Variants in PSMD14 observed in about 807,000 individuals in gnomAD.
The protein encoded by PSMD14 is ubiquitin C-terminal hydrolase PSMD14.
Under a neutral mutation model 41.2 loss-of-function variants are expected in PSMD14, and 7 were observed. The ratio of observed to expected loss-of-function variants is 0.17; its 90% CI spans 0.10 to 0.32. The LOEUF (loss-of-function observed/expected upper bound fraction) is 0.32. Ranked by LOEUF, PSMD14 falls within the 10% of genes least tolerant of loss-of-function variation. PSMD14 has a pLI of 1.00. For missense variants in PSMD14, 139 were observed against 375.6 expected, an observed-to-expected ratio of 0.37 and a Z score of 5.21; for synonymous variants, 114 against 122.3, an observed-to-expected ratio of 0.93 and a Z score of 0.45.
chr2:161,319,304 G>A (rs1466899209), intron 3 of PSMD14, among the ~76,000 whole-genome samples: 3 of 151,932 alleles, frequency 2.0e-5, no homozygotes, highest in Non-Finnish European at 4.4e-5. Context: ...GTAAATTTCT[G>A]CTAGTAATTA....
intron 3 of PSMD14, among the ~76,000 whole-genome samples, chr2:161,358,492 G>A (rs769006281): frequency 1.9e-4 from 29 of 152,144 alleles, no homozygotes; most frequent in Non-Finnish European, 3.7e-4. Context: ...AAAACCGTGC[G>A]CTGTCTCCTT....
At position 161,410,469 on chromosome 2, in the gene PSMD14, A is replaced by G. The variant is rs555235256; in HGVS notation, c.835-833A>G. ...TTATAATTTTTCTATTGTGTATAAT[A>G]TATATTCCTTATTTCAAAGCTCTGA... On this transcript the variant is annotated intron_variant, in intron 11 of 11. Transcript: ENST00000409682. Among the ~76,000 whole-genome samples, 6 of 152,146 alleles carry G rather than the reference A, an allele frequency of 3.9e-5. No individual in the cohort carries two copies. The East Asian group carries it at 7.7e-4, about 20-fold the overall frequency.
Position 161,389,889 on chromosome 2 carries a change from G to GTTGTTGTTTTTTTTTTT in PSMD14, c.571-1213_571-1212insGTTGTTTTTTTTTTTTT. ...TGTCTTATTTTCTTTCTTTTTTGTT[G>GTTGTTGTTTTTTTTTTT]TTTTTTTTTTTTTTTTTTTTTTTAG... On this transcript the variant is annotated intron_variant, in intron 8 of 11. Coordinates refer to ENST00000409682, the MANE Select transcript of PSMD14 (RefSeq NM_005805.6). 9.5e-4 allele frequency among the ~76,000 whole-genome samples: 19 copies of GTTGTTGTTTTTTTTTTT among 20,048 alleles called. 2 individuals carry two copies. Among genetic ancestry groups the GTTGTTGTTTTTTTTTTT allele is most frequent in the East Asian group, 4.4e-3 (2 of 452 alleles). 13.2% of individuals were successfully genotyped at this position (20,048 alleles called of 152,430 possible). A position where few individuals can be genotyped will look rare whatever the true frequency, so the allele number is the denominator to read the frequency against.
At chr2:161,360,033 T>C (rs1683267731) in intron 3 of PSMD14, among the ~76,000 whole-genome samples, 1 of 152,124 alleles carries the variant, frequency 6.6e-6, no homozygotes, top group Non-Finnish European at 1.5e-5. Context: ...ATCACACATT[T>C]GAAAAAAATA....
intron 7 of PSMD14, among the ~76,000 whole-genome samples, chr2:161,375,946 G>A (rs1354347995): frequency 1.3e-5 from 2 of 151,640 alleles, no homozygotes; most frequent in Non-Finnish European, 2.9e-5. Context: ...TATCTAGAAG[G>A]TCGTGTCTTT....
chr2:161,402,559 G>A (rs971183345), intron 10 of PSMD14, among the ~76,000 whole-genome samples: 1 of 151,940 alleles, frequency 6.6e-6, no homozygotes, highest in African/African-American at 2.4e-5. Context: ...GAGGATCACC[G>A]AGGCCCAGGA....
At chr2:161,327,263 G>T (rs1331541895) in intron 3 of PSMD14, among the ~76,000 whole-genome samples, 2 of 152,084 alleles carry the variant, frequency 1.3e-5, no homozygotes, top group African/African-American at 4.8e-5. Context: ...TTCAGTTTAG[G>T]ATGATGAAAA....
chr2:161,326,293 A>C (rs1324471896), intron 3 of PSMD14, among the ~76,000 whole-genome samples: 3 of 152,112 alleles, frequency 2.0e-5, no homozygotes, highest in Non-Finnish European at 2.9e-5. Context: ...GGCCTCCGAA[A>C]GTGCTGGGAT....
At chr2:161,322,578 T>C (rs1051028663) in intron 3 of PSMD14, among the ~76,000 whole-genome samples, 6 of 151,964 alleles carry the variant, frequency 3.9e-5, no homozygotes, top group Non-Finnish European at 8.8e-5. Context: ...TTAGTAGAGG[T>C]GGGGTTTCAC....
intron 3 of PSMD14, among the ~76,000 whole-genome samples, chr2:161,322,476 C>T (rs1343583342): frequency 6.6e-6 from 1 of 152,016 alleles, no homozygotes; most frequent in Non-Finnish European, 1.5e-5. Context: ...TGCAGTCTCG[C>T]CCTCCTGGAT....
At chr2:161,401,819 A>G (rs564593112) in intron 10 of PSMD14, among the ~76,000 whole-genome samples, 2 of 152,282 alleles carry the variant, frequency 1.3e-5, no homozygotes, top group Admixed American at 6.5e-5. Flanking sequence ...GTGAAAAGTA[A>G]TGATTTCCCC....
intron 10 of PSMD14, among the ~76,000 whole-genome samples, chr2:161,397,894 A>G (rs1683823723): frequency 6.6e-6 from 1 of 152,192 alleles, no homozygotes; most frequent in Non-Finnish European, 1.5e-5. Flanking sequence ...AGAGAAATAA[A>G]TCGCTCACCG....
At chr2:161,382,964 C>T (rs1389417900) in intron 7 of PSMD14, 1 of 151,136 alleles carries the variant, frequency 6.6e-6, no homozygotes, top group South Asian at 2.1e-4. Flanking sequence ...ATTTTGCTGT[C>T]ATTCTATTGC....
chr2:161,322,748 A>T (rs913424073), intron 3 of PSMD14, among the ~76,000 whole-genome samples: 2 of 152,118 alleles, frequency 1.3e-5, no homozygotes, highest in Non-Finnish European at 2.9e-5. Context: ...TCAGTATTAT[A>T]ATCACAGTTG....
intron 5 of PSMD14, among the ~76,000 whole-genome samples, chr2:161,369,034 T>C (rs1188932685): frequency 6.6e-6 from 1 of 151,952 alleles, no homozygotes; most frequent in Non-Finnish European, 1.5e-5. Flanking sequence ...CTCTACATGT[T>C]AACCAAAGGT....
At chr2:161,356,155 G>T (rs531844663) in intron 3 of PSMD14, among the ~76,000 whole-genome samples, 1 of 152,060 alleles carries the variant, frequency 6.6e-6, no homozygotes, top group South Asian at 2.1e-4. Flanking sequence ...CGACATGAAA[G>T]AATTCATTTC....
At chr2:161,345,245 T>C (rs986619500) in intron 3 of PSMD14, among the ~76,000 whole-genome samples, 1 of 141,346 alleles carries the variant, frequency 7.1e-6, no homozygotes, top group African/African-American at 2.6e-5. Flanking sequence ...TCTTTTTTTT[T>C]TTTTTTTTTT....
chr2:161,327,810 G>A (rs11885894), intron 3 of PSMD14, among the ~76,000 whole-genome samples: 138,447 of 151,878 alleles, frequency 0.91, 63,140 homozygotes, highest in East Asian at 1. Flanking sequence ...GCCAAAAAAA[G>A]TTATGAAAAG....
chr2:161,356,902 T>C (rs1427557516), intron 3 of PSMD14, among the ~76,000 whole-genome samples: 1 of 151,898 alleles, frequency 6.6e-6, no homozygotes, highest in Non-Finnish European at 1.5e-5. Flanking sequence ...CTTTAGTTCA[T>C]GTTTAATCAG....
Sources: allele counts gnomAD v4.1 joint callset (sites outside exome capture counted in the v4.1 genomes callset), GRCh38; gene constraint gnomAD v4.1.1; transcripts MANE v1.5; gene names NCBI Gene and HGNC (gene_info 2026-07-23, HGNC 2026-07-21).